KIF25: variants seen among roughly 807,000 people sequenced by gnomAD.
KIF25 encodes the protein kinesin family member 25, also known as kinesin-like protein KIF25.
In KIF25, 19 loss-of-function variants were observed where a neutral mutation model predicts 32.9. That is an observed-to-expected ratio of 0.58 (90% CI 0.40 to 0.85). The LOEUF (loss-of-function observed/expected upper bound fraction) is 0.85, where lower values mean the gene tolerates loss of function less well. Among genes scored for constraint, KIF25 ranks in the 40% least tolerant of loss-of-function variants. The pLI is 0.00. For synonymous variants in KIF25, 225 were observed against 213.7 expected, an observed-to-expected ratio of 1.05 and a Z score of -0.46; for missense variants, 485 against 507.0, an observed-to-expected ratio of 0.96 and a Z score of 0.42.
At chr6:168,029,393 G>A (rs1318843163) in intron 5 of KIF25, 99 bp from the exon 6 acceptor site, 15 of 812,670 alleles carry the variant, frequency 1.8e-5, no homozygotes, top group Non-Finnish European at 2.4e-5. Context: ...AAGGAAATGC[G>A]AACACTGACT....
intron 5 of KIF25, among the ~76,000 whole-genome samples, 171 bp downstream of exon 5, chr6:168,018,211 G>A (rs1458715445): frequency 6.6e-6 from 1 of 152,196 alleles, no homozygotes; most frequent in Non-Finnish European, 1.5e-5. Context: ...AGGTGTGAAA[G>A]AGATACACAT....
intron 5 of KIF25, among the ~76,000 whole-genome samples, chr6:168,022,766 TTG>T (rs1225222484): frequency 2.1e-5 from 3 of 144,388 alleles, no homozygotes; most frequent in Non-Finnish European, 4.5e-5. Flanking sequence ...TTTGTTGTTG[TTG>T]TTTTTTTTTT....
chr6:168,025,547 C>T lies in KIF25; in HGVS notation c.-94-3945C>T, dbSNP rs553457460. Among the ~76,000 whole-genome samples, 4 of 152,240 alleles carry T rather than the reference C, an allele frequency of 2.6e-5. No individual in the cohort carries two copies. In the South Asian group the frequency reaches 8.3e-4, roughly 32 times the overall value. Reference sequence around the variant, plus strand: ...GGTGGTAGATACATTGTGGTAAAAGCTTTTTCCTTCCTCCCGACCCCACCT... The same window carrying T: ...GGTGGTAGATACATTGTGGTAAAAGTTTTTTCCTTCCTCCCGACCCCACCT... On this transcript the variant is annotated intron_variant, in intron 5 of 12. Coordinates refer to ENST00000643607, the MANE Select transcript of KIF25 (RefSeq NM_030615.4).
At position 167,998,061 on chromosome 6, in the gene KIF25, T is replaced by C. The variant is rs1490843134; in HGVS notation, c.-1408T>C. ...TGAAACCATTTGGTGTATTTTCTTA[T>C]TTAATCTTCACAATAGCACCACCTC... is the stretch of plus-strand genomic sequence containing the variant. On this transcript the variant is annotated 5_prime_UTR_variant, in exon 1 of 13. Transcript: ENST00000643607. 1 of 152,252 alleles carries C rather than the reference T, an allele frequency of 6.6e-6. No homozygotes were observed. Among genetic ancestry groups the C allele is most frequent in the Non-Finnish European group, 1.5e-5 (1 of 68,048 alleles). 9.4% of individuals were successfully genotyped at this position (152,252 alleles called of 1,614,324 possible).
chr6:168,018,541 A>G (rs1408706020), intron 5 of KIF25, among the ~76,000 whole-genome samples: 1 of 152,186 alleles, frequency 6.6e-6, no homozygotes, highest in Non-Finnish European at 1.5e-5. Context: ...TTTTAAGTAA[A>G]TAGACATTTT....
intron 9 of KIF25, among the ~76,000 whole-genome samples, chr6:168,039,468 C>T (rs774749568): frequency 6.6e-6 from 1 of 152,226 alleles, no homozygotes; most frequent in South Asian, 2.1e-4. Context: ...GAACCCTCCC[C>T]ATGAGTGAGG....
At chr6:168,015,037 T>C (rs558534536) in intron 4 of KIF25, among the ~76,000 whole-genome samples, 26 of 152,366 alleles carry the variant, frequency 1.7e-4, no homozygotes, top group Admixed American at 1.4e-3. Context: ...CTGATAGATT[T>C]GATACACCTG....
chr6:168,014,482 G>C (rs1798687926), intron 4 of KIF25, among the ~76,000 whole-genome samples: 1 of 152,196 alleles, frequency 6.6e-6, no homozygotes, highest in South Asian at 2.1e-4. Context: ...CAGAATCCAA[G>C]ATGTTGCTTT....
chr6:168,002,051 A>T, intron 2 of KIF25, among the ~76,000 whole-genome samples: 2 of 66,840 alleles, frequency 3.0e-5, no homozygotes, highest in Admixed American at 3.1e-4. Flanking sequence ...CACCTGAGGC[A>T]TGGCCTCGGG....
intron 4 of KIF25, among the ~76,000 whole-genome samples, chr6:168,004,014 T>G (rs1395982548): frequency 6.6e-6 from 1 of 152,220 alleles, no homozygotes; most frequent in Non-Finnish European, 1.5e-5. Context: ...AAATCAGTGA[T>G]ATCATGGGTG....
At chr6:168,014,738 G>A (rs1798691917) in intron 4 of KIF25, among the ~76,000 whole-genome samples, 1 of 152,184 alleles carries the variant, frequency 6.6e-6, no homozygotes, top group Non-Finnish European at 1.5e-5. Context: ...TGGAGAATCT[G>A]GCTGCTGCCC....
At chr6:168,003,899 A>G (rs1163613963) in intron 4 of KIF25, among the ~76,000 whole-genome samples, 196 bp downstream of exon 4, 1 of 152,166 alleles carries the variant, frequency 6.6e-6, no homozygotes, top group Non-Finnish European at 1.5e-5. Context: ...GTTCTATGTG[A>G]GGAAGTTACT....
chr6:168,011,274 A>G (rs535494128), intron 4 of KIF25, among the ~76,000 whole-genome samples: 2 of 151,838 alleles, frequency 1.3e-5, no homozygotes, highest in Non-Finnish European at 2.9e-5. Flanking sequence ...TTCTTTTTGC[A>G]TTGGCTATAC....
intron 4 of KIF25, among the ~76,000 whole-genome samples, chr6:168,014,404 G>A (rs1336250834): frequency 1.3e-5 from 2 of 152,106 alleles, no homozygotes; most frequent in African/African-American, 2.4e-5. Flanking sequence ...GGATATTTGA[G>A]GTTTTCCATC....
Position 168,030,826 on chromosome 6 carries a change from T to C in KIF25, c.146T>C (p.Leu49Pro). The C allele has an allele frequency of 6.2e-7, 1 of 1,612,668 alleles. No homozygotes were observed. The highest frequency in any genetic ancestry group is 1.3e-5 in the African/African-American group (1 of 74,950). The change falls in exon 7 of 13, where the codon CTA becomes CCA. Residue 49 changes from leucine to proline, a missense_variant. Leu to Pro is a moderately conservative substitution (Grantham distance 98, BLOSUM62 -3). Transcript: ENST00000643607. Reference sequence around the variant, plus strand: ...GCGGTCTTTGGAGATGTGTGCCCCCTACTCACTTCTCTCTTGGATGGGTGA... The same window carrying C: ...GCGGTCTTTGGAGATGTGTGCCCCCCACTCACTTCTCTCTTGGATGGGTGA... ...QSAVFGDVCP[L>P]LTSLLDGYNV...
In KIF25 at chr6:168,019,749, G is replaced by A. The variant is rs576430642; in HGVS notation, c.-95+1709G>A. On this transcript the variant is annotated intron_variant, in intron 5 of 12. Transcript: ENST00000643607. ...TGAACAGAGCATCATGGCGCCATGG[G>A]ACCATGATGTATTGGCTTCCAAGAA... Among the ~76,000 whole-genome samples, 50 of 152,336 alleles carry A rather than the reference G, an allele frequency of 3.3e-4. No homozygotes were observed. In the South Asian group the frequency reaches 4.3e-3, roughly 13 times the overall value.
intron 8 of KIF25, chr6:168,035,922 A>C (rs1562390726): frequency 2.6e-6 from 1 of 385,730 alleles, no homozygotes; most frequent in African/African-American, 2.1e-5. Flanking sequence ...CACGACCTGG[A>C]GAGGGGTGCA....
In KIF25 at chr6:168,042,642, G is replaced by A. The variant is rs749943327; in HGVS notation, c.911G>A (p.Gly304Glu). The A allele has an allele frequency of 2.7e-5, 43 of 1,613,854 alleles. No homozygotes were observed. The highest frequency in any genetic ancestry group is 3.3e-4 in the Middle Eastern group (2 of 6,060). ...RSLAALAGVL[G>E]ALLEHRGHAP... ...CTTGCGGCCCTGGCAGGCGTCCTGG[G>A]GGCTTTGTTGGAGCACCGTGGCCAT... Residue 304 changes from glycine to glutamate, a missense_variant, in exon 12 of 13, where the codon GGG becomes GAG. Transcript: ENST00000643607.
intron 11 of KIF25, among the ~76,000 whole-genome samples, 180 bp from the exon 12 acceptor site, chr6:168,042,381 C>G (rs957970464): frequency 1.3e-5 from 2 of 152,192 alleles, no homozygotes; most frequent in African/African-American, 4.8e-5. Flanking sequence ...AACCTGAGTT[C>G]CCAGCAGGAG....
Sources: gnomAD v4.1 joint callset for allele counts (sites outside exome capture counted in the v4.1 genomes callset) on GRCh38, gnomAD v4.1.1 for gene constraint, MANE v1.5 for transcripts, NCBI Gene and HGNC (gene_info 2026-07-23, HGNC 2026-07-21) for gene names.